Variants in CMIP observed in about 807,000 individuals in gnomAD.
The protein encoded by CMIP is c-Maf inducing protein, also known as C-Maf-inducing protein.
A neutral mutation model predicts 97.3 loss-of-function variants in CMIP; 13 were observed. That is an observed-to-expected ratio of 0.13 (90% confidence interval 0.09 to 0.21). CMIP has a LOEUF of 0.21. Ranked by LOEUF, CMIP falls within the 10% of genes least tolerant of loss-of-function variation. The pLI is 1.00. For missense variants in CMIP, 847 were observed against 1,024.9 expected, an observed-to-expected ratio of 0.83 and a Z score of 2.37; for synonymous variants, 538 against 436.3, an observed-to-expected ratio of 1.23 and a Z score of -2.91.
At chr16:81,676,375 C>T (rs978344165) in intron 9 of CMIP, among the ~76,000 whole-genome samples, 7 of 152,214 alleles carry the variant, frequency 4.6e-5, no homozygotes, top group East Asian at 1.9e-4. Context: ...CCAGTGCTCT[C>T]GGTGGGCAAA....
chr16:81,449,562 G>T (rs9928438), intron 1 of CMIP, among the ~76,000 whole-genome samples: 4,194 of 152,132 alleles, frequency 0.028, 180 homozygotes, highest in African/African-American at 0.096. Flanking sequence ...CCACATGCAC[G>T]CATGTTAATT....
rs556933841 is a variant in CMIP, at chr16:81,637,607, TC to T, written c.478-14595del. ...AGCGGAAAAGAAATTCAAGTGTAGA[TC>T]TGCCCGACTCTCCGTTTGTGATGAT... On this transcript the variant is annotated intron_variant, in intron 3 of 20. Transcript: ENST00000537098. Among the ~76,000 whole-genome samples, 222 of 152,162 alleles carry T rather than the reference TC, an allele frequency of 1.5e-3. 1 individual carries two copies. The highest frequency in any genetic ancestry group is 5.0e-3 in the African/African-American group (206 of 41,522).
intron 1 of CMIP, among the ~76,000 whole-genome samples, chr16:81,470,915 A>C (rs894342204): frequency 1.3e-5 from 2 of 152,266 alleles, no homozygotes; most frequent in African/African-American, 4.8e-5. Flanking sequence ...AAGAAAAGGG[A>C]GTGTTATGAT....
At chr16:81,657,957 C>A in intron 5 of CMIP, 141 bp downstream of exon 5, 1 of 640,442 alleles carries the variant, frequency 1.6e-6, no homozygotes, top group Non-Finnish European at 2.7e-6. Flanking sequence ...TCTAGCAAGC[C>A]GGACGCACCT....
intron 1 of CMIP, among the ~76,000 whole-genome samples, chr16:81,561,111 C>T (rs7185366): frequency 2.0e-5 from 3 of 152,172 alleles, no homozygotes; most frequent in Admixed American, 1.3e-4. Flanking sequence ...CATGCCACCA[C>T]GCTTGGCTAC....
rs1306039871 is a variant in CMIP at position 81,453,499 on chromosome 16, A to G, written c.300+7958A>G. 6.6e-6 allele frequency among the ~76,000 whole-genome samples: 1 copy of G among 152,168 alleles called. No individual in the cohort carries two copies. Among genetic ancestry groups the G allele is most frequent in the Non-Finnish European group, 1.5e-5 (1 of 68,026 alleles). On this transcript the variant is annotated intron_variant, in intron 1 of 20. Coordinates refer to ENST00000537098, the MANE Select transcript of CMIP (RefSeq NM_198390.3). This position sits in a 1 kb window ranked among gnomAD's most constrained non-coding sequence, Gnocchi z 4.0. Reference sequence around the variant, plus strand: ...CCTTAGAGGTCCAGGATATCTGAAAATTGGAGCACACAGTCTGAGCAGACC... The same window carrying G: ...CCTTAGAGGTCCAGGATATCTGAAAGTTGGAGCACACAGTCTGAGCAGACC...
At chr16:81,592,518 C>T (rs866977623) in intron 1 of CMIP, among the ~76,000 whole-genome samples, 1 of 152,238 alleles carries the variant, frequency 6.6e-6, no homozygotes, top group African/African-American at 2.4e-5. Context: ...CCTCCTTCCT[C>T]CTGCGGTGCC....
intron 3 of CMIP, chr16:81,645,419 C>T: frequency 1.3e-6 from 2 of 1,485,866 alleles, no homozygotes; most frequent in Non-Finnish European, 1.8e-6. Flanking sequence ...GCAGCCCCTG[C>T]CTGGCGCGAC....
chr16:81,657,050 T>A (rs74722457), intron 4 of CMIP, among the ~76,000 whole-genome samples: 2,418 of 114,034 alleles, frequency 0.021, 45 homozygotes, highest in African/African-American at 0.051. Flanking sequence ...TTCCAAAATT[T>A]AAAAAAAAAA....
At chr16:81,495,116 A>T (rs2089465869) in intron 1 of CMIP, among the ~76,000 whole-genome samples, 1 of 152,200 alleles carries the variant, frequency 6.6e-6, no homozygotes, top group Non-Finnish European at 1.5e-5. Flanking sequence ...TGGACCTCAT[A>T]TGCTGTCCGT....
intron 1 of CMIP, among the ~76,000 whole-genome samples, chr16:81,525,208 A>G (rs1390002650): frequency 6.6e-6 from 1 of 152,084 alleles, no homozygotes; most frequent in Non-Finnish European, 1.5e-5. Flanking sequence ...CAGTGGCACA[A>G]TCTCGGCTCC....
At chr16:81,465,069 C>G (rs75542244) in intron 1 of CMIP, among the ~76,000 whole-genome samples, 369 of 152,260 alleles carry the variant, frequency 2.4e-3, no homozygotes, top group African/African-American at 7.6e-3. Context: ...GGATATACAT[C>G]TACGAGCGGA....
At chr16:81,648,477 C>A (rs4076260) in intron 3 of CMIP, among the ~76,000 whole-genome samples, 3 of 152,136 alleles carry the variant, frequency 2.0e-5, no homozygotes, top group Middle Eastern at 3.4e-3. Context: ...CCTGGGCACA[C>A]GGCAGTCAGA....
chr16:81,612,584 G>A (rs889054939), intron 2 of CMIP, among the ~76,000 whole-genome samples: 2 of 152,200 alleles, frequency 1.3e-5, no homozygotes, highest in Non-Finnish European at 2.9e-5. Context: ...GGAAAAGGTC[G>A]CTCACAGCGC....
intron 10 of CMIP, among the ~76,000 whole-genome samples, chr16:81,678,833 T>C (rs895713588): frequency 2.0e-5 from 3 of 152,250 alleles, no homozygotes; most frequent in Admixed American, 2.0e-4. Flanking sequence ...AGGGTGCATA[T>C]GTACAAGTGG....
At chr16:81,568,179 T>A (rs1325547559) in intron 1 of CMIP, among the ~76,000 whole-genome samples, 1 of 152,052 alleles carries the variant, frequency 6.6e-6, no homozygotes, top group Non-Finnish European at 1.5e-5. Context: ...GTAGGCTTGA[T>A]GTTGAGGTCC....
At chr16:81,682,567 C>CAA (rs113037541) in intron 10 of CMIP, among the ~76,000 whole-genome samples, 8 of 135,050 alleles carry the variant, frequency 5.9e-5, no homozygotes, top group Non-Finnish European at 9.7e-5. Context: ...CTCCCATCTC[C>CAA]AAAAAAAAAA....
chr16:81,651,504 T>C (rs942796801), intron 3 of CMIP: 6 of 375,432 alleles, frequency 1.6e-5, no homozygotes, highest in Non-Finnish European at 2.2e-5. Flanking sequence ...ATTCCAGGTT[T>C]AGTCCCTACC....
chr16:81,505,851 C>T (rs967466547), intron 1 of CMIP, among the ~76,000 whole-genome samples: 4 of 152,120 alleles, frequency 2.6e-5, no homozygotes, highest in East Asian at 1.9e-4. Context: ...AAAAATCAGC[C>T]GGGCGTGGTG....
Sources: allele counts gnomAD v4.1 joint callset (sites outside exome capture counted in the v4.1 genomes callset), GRCh38; gene constraint gnomAD v4.1.1; non-coding constraint Gnocchi (gnomAD v3.1); transcripts MANE v1.5; gene names NCBI Gene and HGNC (gene_info 2026-07-23, HGNC 2026-07-21).